Variants in GPALPP1 observed in about 807,000 individuals in gnomAD.
GPALPP1 encodes the protein GPALPP motifs-containing protein 1.
In GPALPP1, 30 loss-of-function variants were observed where a neutral mutation model predicts 38.9. The observed-to-expected ratio is 0.77, with a 90% CI of 0.58 to 1.05. GPALPP1 has a LOEUF of 1.05. Among genes scored for constraint, GPALPP1 ranks in the 50% least tolerant of loss-of-function variants. GPALPP1 has a pLI of 0.00. For missense variants in GPALPP1, 384 were observed against 408.8 expected (o/e 0.94, Z 0.52); for synonymous variants, 120 against 139.2 (o/e 0.86, Z 0.97).
Position 45,028,184 on chromosome 13 carries a change from T to C in GPALPP1, c.*181T>C. ...AGCCTTGTGGGATGAAAAATATGTC[T>C]TACTGGAAAAATCCCTCATAATAAC... is the stretch of plus-strand genomic sequence containing the variant. On this transcript the variant is annotated 3_prime_UTR_variant, in exon 8 of 8. Transcript: ENST00000379151. 2.7e-6 allele frequency: 1 copy of C among 365,678 alleles called. No individual in the cohort carries two copies. Among genetic ancestry groups the C allele is most frequent in the Non-Finnish European group, 4.8e-6 (1 of 207,002 alleles). The allele number at this position is 365,678 out of a possible 1,614,324, so 22.7% of individuals were successfully genotyped here.
At chr13:45,020,843 CATGA>C (rs1326702087) in intron 7 of GPALPP1, among the ~76,000 whole-genome samples, 29 of 151,938 alleles carry the variant, frequency 1.9e-4, no homozygotes, top group African/African-American at 6.8e-4. Context: ...CTGTGTTTTT[CATGA>C]ATATTTCCAA....
intron 6 of GPALPP1, among the ~76,000 whole-genome samples, chr13:45,018,370 C>T (rs894571301): frequency 1.3e-5 from 2 of 151,096 alleles, no homozygotes; most frequent in Non-Finnish European, 2.9e-5. Flanking sequence ...GCACTCCAGC[C>T]TGGGTAACAG....
chr13:44,990,378 A>C, intron 1 of GPALPP1: 1 of 159,974 alleles, frequency 6.3e-6, no homozygotes. Flanking sequence ...CCCATCCTTC[A>C]AGGCCCAACT....
Position 45,015,613 on chromosome 13 carries a change from G to A in GPALPP1, c.705+17G>A, listed in dbSNP as rs1593398749. The A allele has an allele frequency of 2.8e-6, 4 of 1,431,086 alleles. No individual in the cohort carries two copies. Among genetic ancestry groups the A allele is most frequent in the Non-Finnish European group, 3.7e-6 (4 of 1,082,152 alleles). The allele number at this position is 1,431,086 out of a possible 1,614,324, so 88.6% of individuals were successfully genotyped here. A position where few individuals can be genotyped will look rare whatever the true frequency, so the allele number is the denominator to read the frequency against. Reference sequence around the variant, plus strand: ...AAAGCTAAGGTGAGAGGTTTTGTTTGTTTGTTCATGTATTTCTGTTCATGT... The same window carrying A: ...AAAGCTAAGGTGAGAGGTTTTGTTTATTTGTTCATGTATTTCTGTTCATGT... On this transcript the variant is annotated intron_variant, in intron 6 of 7. Transcript: ENST00000379151.
chr13:45,004,511 G>C (rs535638479), intron 2 of GPALPP1, 74 bp downstream of exon 2: 1 of 934,870 alleles, frequency 1.1e-6, no homozygotes, highest in Non-Finnish European at 1.7e-6. Flanking sequence ...CAGATAGCTA[G>C]TAAGGGGATA....
At chr13:45,035,279 C>G (rs1876371853), downstream of GPALPP1, 3 of 152,230 alleles carry the variant, frequency 2.0e-5, no homozygotes, top group Non-Finnish European at 2.9e-5. Context: ...ACTTCTTAAC[C>G]AAGTTATAAA....
intron 4 of GPALPP1, among the ~76,000 whole-genome samples, chr13:45,009,758 T>C (rs1874344526): frequency 6.6e-6 from 1 of 152,244 alleles, no homozygotes; most frequent in East Asian, 1.9e-4. Context: ...CATTTACTTA[T>C]TCTTTCAACA....
chr13:45,009,769 A>G (rs1462992085), intron 4 of GPALPP1, among the ~76,000 whole-genome samples: 1 of 152,232 alleles, frequency 6.6e-6, no homozygotes, highest in Non-Finnish European at 1.5e-5. Flanking sequence ...TCTTTCAACA[A>G]ATGCTCATAG....
chr13:45,006,834 G>A (rs1191974555), intron 3 of GPALPP1, among the ~76,000 whole-genome samples: 1 of 152,008 alleles, frequency 6.6e-6, no homozygotes, highest in South Asian at 2.1e-4. Context: ...TTGTGTGTGG[G>A]TGTTTAATTT....
downstream of GPALPP1, chr13:45,034,005 A>T (rs1790966052): frequency 6.6e-6 from 1 of 152,344 alleles, no homozygotes; most frequent in African/African-American, 2.4e-5. Flanking sequence ...TGACCAAAAG[A>T]GATGCTTTGC....
intron 7 of GPALPP1, among the ~76,000 whole-genome samples, chr13:45,025,767 TTATC>T (rs1340134261): frequency 6.6e-6 from 1 of 151,208 alleles, no homozygotes; most frequent in Non-Finnish European, 1.5e-5. Context: ...CGTGTATTGA[TTATC>T]TATTTTTTTT....
At chr13:45,000,152 C>T (rs889096017) in intron 1 of GPALPP1, among the ~76,000 whole-genome samples, 5 of 152,136 alleles carry the variant, frequency 3.3e-5, no homozygotes, top group African/African-American at 4.8e-5. Context: ...TGTGGTGGCT[C>T]ATGCCTGTAA....
chr13:45,000,928 A>G (rs764643831), intron 1 of GPALPP1, among the ~76,000 whole-genome samples: 3 of 152,230 alleles, frequency 2.0e-5, no homozygotes, highest in Non-Finnish European at 4.4e-5. Flanking sequence ...CCTGTTCTAT[A>G]GTAATGCACC....
chr13:45,021,813 G>C (rs1875451119), intron 7 of GPALPP1, among the ~76,000 whole-genome samples: 1 of 152,144 alleles, frequency 6.6e-6, no homozygotes, highest in South Asian at 2.1e-4. Context: ...GAGCCATAAT[G>C]AGTTATGTAA....
intron 6 of GPALPP1, among the ~76,000 whole-genome samples, chr13:45,017,068 T>C (rs945562136): frequency 6.6e-6 from 1 of 152,252 alleles, no homozygotes; most frequent in Non-Finnish European, 1.5e-5. Context: ...TAGCTCTGTT[T>C]GTATTACTCA....
rs551780362 is a variant in GPALPP1 at position 45,012,064 on chromosome 13, CAG to C, written c.409-2887_409-2886del. Among the ~76,000 whole-genome samples the C allele has an allele frequency of 8.2e-4, 125 of 152,282 alleles. 1 individual carries two copies. The highest frequency in any genetic ancestry group is 2.8e-3 in the African/African-American group (117 of 41,558). ...CAAAGCCAGACACAGGTTTACACAG[CAG>C]GGGACTACAGTCGTTTTAGAGAACC... On this transcript the variant is annotated intron_variant, in intron 4 of 7. Transcript: ENST00000379151.
intron 2 of GPALPP1, chr13:45,005,133 CTG>C (rs1385235431): frequency 9.8e-6 from 1 of 102,494 alleles, no homozygotes; most frequent in Non-Finnish European, 1.8e-5. Context: ...AAGTCTCACT[CTG>C]TAGCCCAGAC....
At chr13:44,996,379 A>AGG (rs1873274157) in intron 1 of GPALPP1, among the ~76,000 whole-genome samples, 1 of 151,750 alleles carries the variant, frequency 6.6e-6, no homozygotes, top group African/African-American at 2.4e-5. Context: ...ATTCCTTAAG[A>AGG]GGGGCCCAGG....
At chr13:45,014,368 A>C (rs186872782) in intron 4 of GPALPP1, among the ~76,000 whole-genome samples, 18 of 152,320 alleles carry the variant, frequency 1.2e-4, no homozygotes, top group African/African-American at 3.6e-4. Flanking sequence ...AATCACTAAC[A>C]GTTGAGATAA....
Sources: allele counts gnomAD v4.1 joint callset (sites outside exome capture counted in the v4.1 genomes callset), GRCh38; gene constraint gnomAD v4.1.1; transcripts MANE v1.5; gene names NCBI Gene and HGNC (gene_info 2026-07-23, HGNC 2026-07-21).